LAMA2: variants seen among roughly 807,000 people sequenced by gnomAD.
The protein encoded by LAMA2 is laminin subunit alpha 2, also known as laminin subunit alpha-2.
LAMA2 carries 269 observed loss-of-function variants against 364.8 expected under a neutral mutation model. That is an observed-to-expected ratio of 0.74 (90% confidence interval 0.67 to 0.82). The LOEUF (loss-of-function observed/expected upper bound fraction) is 0.82. Ranked by LOEUF, LAMA2 falls within the 40% of genes least tolerant of loss-of-function variation. The pLI is 0.00. For missense variants in LAMA2, 3,807 were observed against 3,873.2 expected (o/e 0.98, Z 0.45); for synonymous variants, 1,379 against 1,370.6 (o/e 1.01, Z -0.14).
At chr6:129,437,231 A>G (rs1160436121) in intron 41 of LAMA2, among the ~76,000 whole-genome samples, 2 of 152,134 alleles carry the variant, frequency 1.3e-5, no homozygotes, top group Non-Finnish European at 2.9e-5. Flanking sequence ...TAACCATGCA[A>G]GCTTAGGAAA....
intron 12 of LAMA2, among the ~76,000 whole-genome samples, chr6:129,248,371 T>C (rs1388812264): frequency 2.6e-5 from 4 of 152,216 alleles, no homozygotes; most frequent in African/African-American, 7.2e-5. Context: ...GTATCATAGG[T>C]GATCTTTTTC....
intron 33 of LAMA2, among the ~76,000 whole-genome samples, chr6:129,367,223 G>A (rs9372927): frequency 0.84 from 127,337 of 152,150 alleles, 53,292 homozygotes; most frequent in Admixed American, 0.88. Flanking sequence ...TCACCTGATG[G>A]AAAAAGATGA....
chr6:128,967,074 T>C (rs955792737), intron 1 of LAMA2, among the ~76,000 whole-genome samples: 1 of 152,148 alleles, frequency 6.6e-6, no homozygotes, highest in Non-Finnish European at 1.5e-5. Flanking sequence ...CTACTATGAA[T>C]ACAGACCAGG....
chr6:129,212,694 C>T (rs926562416), intron 12 of LAMA2, among the ~76,000 whole-genome samples: 8 of 152,116 alleles, frequency 5.3e-5, no homozygotes, highest in South Asian at 4.2e-4. Context: ...ACATCGATTT[C>T]GGGTTCATGC....
rs138173386 is a variant in LAMA2, at chr6:129,399,031, G to A, written c.5446-2193G>A. ...CAATGTGTTGTCCTTCATTAACAAT[G>A]TGTAGTTCAACAGGCTGTGCCTTTC... On this transcript the variant is annotated intron_variant, in intron 37 of 64. Transcript: ENST00000421865. 1.0e-3 allele frequency among the ~76,000 whole-genome samples: 152 copies of A among 152,306 alleles called. 1 individual carries two copies. The highest frequency in any genetic ancestry group is 3.5e-3 in the African/African-American group (145 of 41,556).
chr6:129,052,440 G>A (rs192416494), intron 2 of LAMA2, among the ~76,000 whole-genome samples: 218 of 151,798 alleles, frequency 1.4e-3, no homozygotes, highest in African/African-American at 4.8e-3. Context: ...GAGCCACCGC[G>A]CCCGGCCTTT....
intron 4 of LAMA2, among the ~76,000 whole-genome samples, chr6:129,124,727 A>G (rs1777012124): frequency 6.6e-6 from 1 of 152,218 alleles, no homozygotes; most frequent in South Asian, 2.1e-4. Context: ...AATACCATAT[A>G]TTTACCGCAT....
intron 17 of LAMA2, among the ~76,000 whole-genome samples, chr6:129,275,246 T>C (rs1788221975): frequency 6.6e-6 from 1 of 151,992 alleles, no homozygotes; most frequent in African/African-American, 2.4e-5. Context: ...TCTAGATGTT[T>C]TAGTGCTCTT....
chr6:129,226,695 C>T (rs995166448), intron 12 of LAMA2, among the ~76,000 whole-genome samples: 84 of 152,076 alleles, frequency 5.5e-4, no homozygotes, highest in African/African-American at 1.9e-3. Flanking sequence ...TTCTGCCGAG[C>T]GATCTGCTGT....
chr6:129,484,293 A>G (rs894956029), intron 55 of LAMA2, among the ~76,000 whole-genome samples: 3 of 152,230 alleles, frequency 2.0e-5, no homozygotes, highest in African/African-American at 7.2e-5. Flanking sequence ...AAAGATGTGA[A>G]TCAAAGAGTG....
intron 3 of LAMA2, 51 bp from the exon 4 acceptor site, chr6:129,098,122 G>C: frequency 6.3e-7 from 1 of 1,579,320 alleles, no homozygotes; most frequent in Non-Finnish European, 8.7e-7. Context: ...GACATAAAAT[G>C]ATGAGAATAT....
intron 1 of LAMA2, among the ~76,000 whole-genome samples, chr6:129,026,796 A>G (rs1269292060): frequency 6.6e-6 from 1 of 152,162 alleles, no homozygotes; most frequent in African/African-American, 2.4e-5. Flanking sequence ...TTGATTTTGC[A>G]GAGTTTTCAA....
At chr6:129,360,201 C>T (rs17742838) in intron 32 of LAMA2, among the ~76,000 whole-genome samples, 5,840 of 152,186 alleles carry the variant, frequency 0.038, 158 homozygotes, top group Non-Finnish European at 0.051. Flanking sequence ...TTCATTTACA[C>T]TGAGCCATTA....
rs1231277831 is a variant in LAMA2 at position 129,393,106 on chromosome 6, G to A, written c.5296G>A (p.Glu1766Lys). ...KLFGESRGEN[E>K]EMEKDLREKL... is the part of the protein sequence containing the mutation. ...GTTTGGAGAGTCCCGGGGGGAAAAT[G>A]AAGAAATGGAGAAGGATCTCCGGGA... Residue 1766 changes from glutamate to lysine, a missense_variant, in exon 37 of 65, where the codon GAA (glutamate) becomes AAA (lysine). Glu to Lys is a moderately conservative substitution (Grantham distance 56). Transcript: ENST00000421865. 8.7e-6 allele frequency: 14 copies of A among 1,614,084 alleles called. No homozygotes were observed. Among genetic ancestry groups the A allele is most frequent in the Non-Finnish European group, 1.2e-5 (14 of 1,179,972 alleles).
intron 51 of LAMA2, among the ~76,000 whole-genome samples, chr6:129,468,275 T>G (rs1783643193): frequency 1.3e-5 from 2 of 151,806 alleles, no homozygotes; most frequent in Admixed American, 1.3e-4. Context: ...TAAATTAGAC[T>G]GGGAACTTCT....
intron 1 of LAMA2, among the ~76,000 whole-genome samples, chr6:128,941,300 G>A (rs1780140601): frequency 6.6e-6 from 1 of 152,154 alleles, no homozygotes; most frequent in South Asian, 2.1e-4. Flanking sequence ...TTAGGTGCTG[G>A]GGAAATAGAA....
chr6:129,360,571 C>T (rs1167212389), intron 32 of LAMA2, among the ~76,000 whole-genome samples: 3 of 152,106 alleles, frequency 2.0e-5, no homozygotes, highest in Non-Finnish European at 2.9e-5. Context: ...TTGCTTGGAG[C>T]GTACTATAAA....
chr6:128,917,836 T>G (rs1349754941), intron 1 of LAMA2, among the ~76,000 whole-genome samples: 2 of 150,600 alleles, frequency 1.3e-5, no homozygotes, highest in African/African-American at 4.9e-5. Flanking sequence ...CAGTTTCAAG[T>G]GATACTCCCA....
intron 8 of LAMA2, among the ~76,000 whole-genome samples, chr6:129,155,986 TTAGA>T (rs1441364226): frequency 2.6e-4 from 40 of 152,038 alleles, no homozygotes; most frequent in Admixed American, 2.4e-3. Flanking sequence ...AAAATTTCAG[TTAGA>T]TAGTAGGAAT....
Sources: gnomAD v4.1 joint callset for allele counts (sites outside exome capture counted in the v4.1 genomes callset) on GRCh38, gnomAD v4.1.1 for gene constraint, MANE v1.5 for transcripts, NCBI Gene and HGNC (gene_info 2026-07-23, HGNC 2026-07-21) for gene names.